HPSE2: variants seen among roughly 807,000 people sequenced by gnomAD.
HPSE2 encodes the protein inactive heparanase-2.
A neutral mutation model predicts 60.5 loss-of-function variants in HPSE2; 38 were observed. That is an observed-to-expected ratio of 0.63 (90% confidence interval 0.48 to 0.82). HPSE2 has a LOEUF of 0.82. HPSE2 is among the 40% of genes least tolerant of loss of function. The probability of loss-of-function intolerance (pLI) is 0.00; values close to 1 mark genes in which losing one functional copy is unlikely to be tolerated. For missense variants in HPSE2, 713 were observed against 740.4 expected (o/e 0.96, Z 0.43); for synonymous variants, 295 against 293.2 (o/e 1.01, Z -0.06).
intron 3 of HPSE2, among the ~76,000 whole-genome samples, chr10:98,771,032 T>C (rs1589799611): frequency 6.6e-6 from 1 of 151,980 alleles, no homozygotes; most frequent in East Asian, 1.9e-4. Context: ...AAAATATCTA[T>C]CAAGAGAGCA....
chr10:98,965,876 T>G (rs1166022693), intron 3 of HPSE2, among the ~76,000 whole-genome samples: 1 of 152,096 alleles, frequency 6.6e-6, no homozygotes, highest in East Asian at 1.9e-4. Context: ...ATTCAGTCAT[T>G]TACAGAAAGT....
intron 11 of HPSE2, among the ~76,000 whole-genome samples, chr10:98,478,023 T>A (rs1256990561): frequency 1.3e-5 from 2 of 152,202 alleles, no homozygotes; most frequent in African/African-American, 4.8e-5. Context: ...GTGGAAAAAC[T>A]GTCTTCCATG....
intron 9 of HPSE2, among the ~76,000 whole-genome samples, chr10:98,544,980 C>A (rs1266492537): frequency 2.6e-5 from 4 of 151,678 alleles, no homozygotes; most frequent in African/African-American, 7.2e-5. Flanking sequence ...ATATCACCAC[C>A]AACCCCACAG....
intron 3 of HPSE2, among the ~76,000 whole-genome samples, chr10:98,867,777 G>A (rs1351288096): frequency 6.6e-6 from 1 of 152,056 alleles, no homozygotes; most frequent in Admixed American, 6.6e-5. Context: ...AAGAAACTGT[G>A]GGCTGGGTGC....
the HPSE2 span, among the ~76,000 whole-genome samples, chr10:99,289,907 G>A: frequency 6.6e-6 from 1 of 152,132 alleles, no homozygotes; most frequent in Non-Finnish European, 1.5e-5. Flanking sequence ...AAGGGGAGCA[G>A]GAGGAGGACA....
At chr10:98,945,369 G>A (rs1217670151) in intron 3 of HPSE2, among the ~76,000 whole-genome samples, 1 of 152,024 alleles carries the variant, frequency 6.6e-6, no homozygotes, top group South Asian at 2.1e-4. Context: ...TTTAAAAAAT[G>A]ACCTTTGGCT....
At chr10:98,839,215 G>A (rs1951857478) in intron 3 of HPSE2, among the ~76,000 whole-genome samples, 1 of 152,122 alleles carries the variant, frequency 6.6e-6, no homozygotes, top group Non-Finnish European at 1.5e-5. Flanking sequence ...GCATAAGTTA[G>A]GAGAGATCAT....
chr10:98,565,431 G>T (rs1207266034), intron 9 of HPSE2, among the ~76,000 whole-genome samples: 1 of 152,114 alleles, frequency 6.6e-6, no homozygotes, highest in Non-Finnish European at 1.5e-5. Flanking sequence ...GCGGTGTTTG[G>T]TTTTCTGCTC....
intron 3 of HPSE2, among the ~76,000 whole-genome samples, chr10:99,010,887 A>C (rs755296166): frequency 2.0e-5 from 3 of 152,178 alleles, no homozygotes; most frequent in Non-Finnish European, 2.9e-5. Flanking sequence ...TCAGGGGTAC[A>C]TGTGCAGGTT....
rs1356171141 is a variant in HPSE2 at position 99,151,338 on chromosome 10, C to G, written c.449-6939G>C. On this transcript the variant is annotated intron_variant, in intron 2 of 11. Transcript: ENST00000370552. The stretch of plus-strand genomic sequence containing the variant: ...AAAGACCAAGGAAAAATGACCACAG[C>G]CTCAGAGAATTATGGGACAACATGA... Among the ~76,000 whole-genome samples the G allele has an allele frequency of 5.3e-5, 8 of 151,758 alleles. No homozygotes were observed. In the East Asian group the frequency reaches 1.5e-3, roughly 29 times the overall value.
intron 9 of HPSE2, among the ~76,000 whole-genome samples, chr10:98,603,164 T>C (rs934326968): frequency 3.9e-5 from 6 of 151,988 alleles, no homozygotes; most frequent in Admixed American, 2.0e-4. Context: ...GCCCCCAAAA[T>C]TGGAGAGACA....
chr10:98,462,386 C>G (rs1940333114), intron 11 of HPSE2, among the ~76,000 whole-genome samples: 1 of 152,106 alleles, frequency 6.6e-6, no homozygotes, highest in Admixed American at 6.5e-5. Context: ...ACCATGTTGG[C>G]CAGGCTGGTC....
At chr10:98,544,527 A>G (rs1006438360) in intron 9 of HPSE2, among the ~76,000 whole-genome samples, 5 of 151,658 alleles carry the variant, frequency 3.3e-5, no homozygotes, top group African/African-American at 9.7e-5. Context: ...TGGCTAACAC[A>G]GTGAAACCCC....
intron 3 of HPSE2, among the ~76,000 whole-genome samples, chr10:98,782,941 G>GTTTTTTTTT (rs576508491): frequency 8.6e-6 from 1 of 116,104 alleles, no homozygotes; most frequent in Non-Finnish European, 1.7e-5. Context: ...TTTTTTTAAT[G>GTTTTTTTTT]TTTTTTTTTT....
At chr10:98,692,579 T>C (rs1589649088) in intron 6 of HPSE2, among the ~76,000 whole-genome samples, 1 of 152,034 alleles carries the variant, frequency 6.6e-6, no homozygotes, top group East Asian at 1.9e-4. Flanking sequence ...CCATCCTGGC[T>C]AACATGGTGA....
chr10:98,520,363 C>T (rs1942748420), intron 9 of HPSE2, among the ~76,000 whole-genome samples: 1 of 152,246 alleles, frequency 6.6e-6, no homozygotes. Flanking sequence ...GTGAGCAGTT[C>T]AGATGCTAGA....
chr10:98,750,787 T>A (rs182341246), intron 3 of HPSE2, among the ~76,000 whole-genome samples: 2 of 152,276 alleles, frequency 1.3e-5, no homozygotes, highest in African/African-American at 4.8e-5. Context: ...GCTTGGGGCA[T>A]GTTAAGTTTG....
chr10:98,480,961 C>T (rs1471040649), intron 11 of HPSE2, among the ~76,000 whole-genome samples: 6 of 152,196 alleles, frequency 3.9e-5, no homozygotes, highest in East Asian at 3.9e-4. Context: ...AGGAAACTGA[C>T]GCTCACAGAG....
At chr10:99,286,051 C>G in the HPSE2 span, among the ~76,000 whole-genome samples, 1 of 151,972 alleles carries the variant, frequency 6.6e-6, no homozygotes, top group South Asian at 2.1e-4. Flanking sequence ...TTGGCTATAA[C>G]AAAAGTGAGA....
Sources: gnomAD v4.1 joint callset for allele counts (sites outside exome capture counted in the v4.1 genomes callset) on GRCh38, gnomAD v4.1.1 for gene constraint, MANE v1.5 for transcripts, NCBI Gene and HGNC (gene_info 2026-07-23, HGNC 2026-07-21) for gene names.